The following TRAF2 variants were observed in gnomAD, a reference collection of about 807,000 sequenced individuals.
The protein encoded by TRAF2 is TNF receptor-associated factor 2.
In TRAF2, 6 loss-of-function variants were observed where a neutral mutation model predicts 55.6. That is an observed-to-expected ratio of 0.11 (90% CI 0.06 to 0.21). The LOEUF is 0.21. Among genes scored for constraint, TRAF2 ranks in the 10% least tolerant of loss-of-function variants. The pLI is 1.00. For synonymous variants in TRAF2, 329 were observed against 276.3 expected, an observed-to-expected ratio of 1.19 and a Z score of -1.89; for missense variants, 561 against 684.5, an observed-to-expected ratio of 0.82 and a Z score of 2.01.
intron 1 of TRAF2, among the ~76,000 whole-genome samples, chr9:136,891,674 A>C (rs1849582552): frequency 6.6e-6 from 1 of 151,942 alleles, no homozygotes; most frequent in Non-Finnish European, 1.5e-5. Flanking sequence ...TGAAAGATGC[A>C]CCAGGACACT....
intron 1 of TRAF2, chr9:136,886,893 T>A (rs1849464785): frequency 6.6e-6 from 1 of 152,296 alleles, no homozygotes; most frequent in African/African-American, 2.4e-5. Context: ...CCGTCCCGGG[T>A]CCGTCGCTCC....
At chr9:136,913,831 G>A (rs966438059) in intron 6 of TRAF2, among the ~76,000 whole-genome samples, 43 of 152,040 alleles carry the variant, frequency 2.8e-4, no homozygotes, top group African/African-American at 9.9e-4. Context: ...TGCTGGTTTT[G>A]CTGGAGCCTT....
At position 136,899,319 on chromosome 9, in the gene TRAF2, G is replaced by A. The variant is rs529247359; in HGVS notation, c.189-275G>A. 5.3e-5 allele frequency among the ~76,000 whole-genome samples: 8 copies of A among 152,332 alleles called. No individual in the cohort carries two copies. In the East Asian group the frequency reaches 7.7e-4, roughly 15 times the overall value. On this transcript the variant is annotated intron_variant, in intron 2 of 10. Transcript: ENST00000247668. ...GGCCTGTGCACATCGGCAGCAGCTCGGCCTGTCGGGAGAGCCGGCAATACC... is the reference window on the plus strand; with the variant it reads ...GGCCTGTGCACATCGGCAGCAGCTCAGCCTGTCGGGAGAGCCGGCAATACC...
chr9:136,908,930 C>T (rs182271721), intron 5 of TRAF2, among the ~76,000 whole-genome samples: 21 of 146,328 alleles, frequency 1.4e-4, no homozygotes, highest in Admixed American at 1.3e-3. Flanking sequence ...TCCAGCTACT[C>T]GGGAGGCTGA....
At chr9:136,916,298 C>T (rs1337930620) in intron 6 of TRAF2, among the ~76,000 whole-genome samples, 1 of 152,162 alleles carries the variant, frequency 6.6e-6, no homozygotes, top group Non-Finnish European at 1.5e-5. Flanking sequence ...GGGGTCTCCA[C>T]AGGTGTCCCG....
At position 136,926,477 on chromosome 9, in the gene TRAF2, GGA is replaced by G. The variant is rs5901110; in HGVS notation, c.*580_*581del. The G allele has an allele frequency of 0.76, 171,719 of 224,586 alleles. 66,516 individuals are homozygous for G. Among genetic ancestry groups the G allele is most frequent in the East Asian group, 0.87 (8,489 of 9,792 alleles). 13.9% of individuals were successfully genotyped at this position (224,586 alleles called of 1,614,324 possible). A position where few individuals can be genotyped will look rare whatever the true frequency, so the allele number is the denominator to read the frequency against. On this transcript the variant is annotated 3_prime_UTR_variant, in exon 11 of 11. Coordinates refer to ENST00000247668, the MANE Select transcript of TRAF2 (RefSeq NM_021138.4). ...TGCCACCTTGGCCAGGCTGGCTGTGGGAGAGGGTCTGGTCCCACGCCGCCTCT... is the reference window on the plus strand; with the variant it reads ...TGCCACCTTGGCCAGGCTGGCTGTGGGAGGGTCTGGTCCCACGCCGCCTCT...
intron 6 of TRAF2, among the ~76,000 whole-genome samples, chr9:136,911,692 T>G (rs531257389): frequency 1.3e-5 from 2 of 152,256 alleles, no homozygotes; most frequent in Admixed American, 1.3e-4. Context: ...CATGGAACTC[T>G]GGCCCTTCAA....
chr9:136,916,609 C>T lies in TRAF2; in HGVS notation c.672C>T (p.Leu224=), dbSNP rs199990999. ...GCAGATTCCACGCCATCGGCTGCCT[C>T]GAGACGGTGAGTCGGGGGGTCTGAG... ...VPCRFHAIGC[L]ETVEGEKQQE... Residue 224 remains leucine, a synonymous_variant, in exon 7 of 11, where the codon CTC becomes CTT. Coordinates refer to ENST00000247668, the MANE Select transcript of TRAF2 (RefSeq NM_021138.4). 1.1e-5 allele frequency: 18 copies of T among 1,613,920 alleles called. No homozygotes were observed. Among genetic ancestry groups the T allele is most frequent in the South Asian group, 3.3e-5 (3 of 91,082 alleles).
At chr9:136,885,158 A>G (rs1050794337), upstream of TRAF2, among the ~76,000 whole-genome samples, 1 of 152,192 alleles carries the variant, frequency 6.6e-6, no homozygotes, top group Non-Finnish European at 1.5e-5. Context: ...AACATATATG[A>G]AATGTGGCAT....
intron 5 of TRAF2, among the ~76,000 whole-genome samples, chr9:136,909,417 C>T (rs936769696): frequency 1.3e-5 from 2 of 152,170 alleles, no homozygotes; most frequent in African/African-American, 4.8e-5. Flanking sequence ...TTTTCCTGGG[C>T]TCTTGTCCTT....
intron 9 of TRAF2, 51 bp from the exon 10 acceptor site, chr9:136,923,801 C>A: frequency 6.3e-7 from 1 of 1,594,472 alleles, no homozygotes; most frequent in Non-Finnish European, 8.6e-7. Flanking sequence ...AAGAGCCCTG[C>A]CCCGCCCTTG....
In TRAF2 at chr9:136,925,848, G is replaced by T; in HGVS notation, c.1453G>T (p.Val485Leu). The T allele has an allele frequency of 1.2e-6, 2 of 1,614,192 alleles. No individual in the cohort carries two copies. Among genetic ancestry groups the T allele is most frequent in the Non-Finnish European group, 1.7e-6 (2 of 1,180,034 alleles). ...VSKMEAKNSY[V>L]RDDAIFIKAI... The stretch of plus-strand genomic sequence containing the variant: ...CAAGATGGAGGCAAAGAATTCCTAC[G>T]TGCGGGACGATGCCATCTTCATCAA... The change falls in exon 11 of 11, where the codon GTG becomes TTG. Residue 485 changes from valine to leucine, a missense_variant. Around this residue, in one of 2 missense-constraint regions of TRAF2, gnomAD observed 135 missense variants for 207.7 expected, o/e 0.65. Transcript: ENST00000247668.
At chr9:136,909,650 G>A (rs894903189) in intron 5 of TRAF2, among the ~76,000 whole-genome samples, 2 of 152,232 alleles carry the variant, frequency 1.3e-5, no homozygotes, top group African/African-American at 4.8e-5. Flanking sequence ...CGGGGCCGTT[G>A]TTTCACGTGG....
intron 4 of TRAF2, among the ~76,000 whole-genome samples, chr9:136,905,270 G>A (rs1009592672): frequency 3.3e-5 from 5 of 152,176 alleles, no homozygotes; most frequent in Admixed American, 2.0e-4. Flanking sequence ...TCCTCTCTCC[G>A]GGTTGTGCCC....
intron 7 of TRAF2, among the ~76,000 whole-genome samples, chr9:136,918,582 G>A (rs1046401387): frequency 1.3e-5 from 2 of 151,798 alleles, no homozygotes; most frequent in African/African-American, 4.8e-5. Context: ...GACCGCGCCT[G>A]GCCTCATTTT....
intron 1 of TRAF2, among the ~76,000 whole-genome samples, chr9:136,892,098 C>T (rs947080369): frequency 1.3e-5 from 2 of 152,186 alleles, no homozygotes; most frequent in East Asian, 3.9e-4. Context: ...TGACTGCACT[C>T]ATAGGGTTCT....
intron 5 of TRAF2, 81 bp from the exon 6 acceptor site, chr9:136,909,839 C>T (rs1344645799): frequency 1.4e-6 from 2 of 1,459,176 alleles, no homozygotes; most frequent in African/African-American, 2.8e-5. Flanking sequence ...CGGCGCTGCC[C>T]AGCCTGAGCA....
chr9:136,921,035 C>T lies in TRAF2; in HGVS notation c.961-3C>T, dbSNP rs772246077. On this transcript the variant is annotated splice_polypyrimidine_tract_variant and splice_region_variant and intron_variant, in intron 8 of 10. Transcript: ENST00000247668. Reference sequence around the variant, plus strand: ...GAGGGAAGGTGGTCTTGGCACCCGGCAGGTGCAGCAGCTGGAGAGGAGCAT... The same window carrying T: ...GAGGGAAGGTGGTCTTGGCACCCGGTAGGTGCAGCAGCTGGAGAGGAGCAT... The T allele has an allele frequency of 1.9e-6, 3 of 1,613,564 alleles. No individual in the cohort carries two copies. The highest frequency in any genetic ancestry group is 1.7e-5 in the Admixed American group (1 of 60,012).
chr9:136,885,767 C>CA (rs71385778), upstream of TRAF2, among the ~76,000 whole-genome samples: 2,571 of 144,282 alleles, frequency 0.018, 35 homozygotes, highest in Non-Finnish European at 0.025. Context: ...GCCTCCGTCT[C>CA]AAAAAAAAAA....
Sources: allele counts gnomAD v4.1 joint callset (sites outside exome capture counted in the v4.1 genomes callset), GRCh38; gene constraint gnomAD v4.1.1; regional missense constraint gnomAD v4.1.1; transcripts MANE v1.5; gene names NCBI Gene and HGNC (gene_info 2026-07-23, HGNC 2026-07-21).